The following SCARB2 variants were observed in gnomAD, a reference collection of about 807,000 sequenced individuals.
SCARB2 encodes lysosome membrane protein 2.
In SCARB2, 29 loss-of-function variants were observed where a neutral mutation model predicts 58.6. The observed-to-expected ratio is 0.49, with a 90% CI of 0.37 to 0.67. The LOEUF (loss-of-function observed/expected upper bound fraction) is 0.67, where lower values mean the gene tolerates loss of function less well. Among genes scored for constraint, SCARB2 ranks in the 30% least tolerant of loss-of-function variants. The pLI, the probability that SCARB2 is intolerant of heterozygous loss-of-function variation, is 0.00. For synonymous variants in SCARB2, 195 were observed against 210.1 expected, an observed-to-expected ratio of 0.93 and a Z score of 0.62; for missense variants, 488 against 578.5, an observed-to-expected ratio of 0.84 and a Z score of 1.60.
At chr4:76,163,482 C>T in intron 10 of SCARB2, 99 bp from the exon 11 acceptor site, 1 of 1,339,026 alleles carries the variant, frequency 7.5e-7, no homozygotes. Flanking sequence ...TTGGGAATGT[C>T]CTCCTGTTAG....
At chr4:76,200,647 G>A (rs957150898) in intron 1 of SCARB2, among the ~76,000 whole-genome samples, 2 of 152,184 alleles carry the variant, frequency 1.3e-5, no homozygotes, top group Non-Finnish European at 2.9e-5. Flanking sequence ...GCAAGACTCA[G>A]TAATTCAGCC....
At chr4:76,210,064 C>T (rs965810011) in intron 1 of SCARB2, among the ~76,000 whole-genome samples, 1 of 152,182 alleles carries the variant, frequency 6.6e-6, no homozygotes, top group African/African-American at 2.4e-5. Context: ...GGAACCATAG[C>T]TTGTATAATA....
intron 1 of SCARB2, among the ~76,000 whole-genome samples, chr4:76,208,711 T>G (rs1206925215): frequency 6.6e-6 from 1 of 152,222 alleles, no homozygotes; most frequent in Non-Finnish European, 1.5e-5. Context: ...TTGATTTCTA[T>G]GAGCTTCCCC....
At chr4:76,224,923 C>T (rs2109982102) in intron 1 of SCARB2, among the ~76,000 whole-genome samples, 1 of 152,054 alleles carries the variant, frequency 6.6e-6, no homozygotes, top group East Asian at 1.9e-4. Context: ...CCCCCCAAGT[C>T]CCCAGAGTCC....
At chr4:76,227,128 T>C (rs1733412164) in intron 1 of SCARB2, among the ~76,000 whole-genome samples, 1 of 152,206 alleles carries the variant, frequency 6.6e-6, no homozygotes, top group African/African-American at 2.4e-5. Context: ...GAGTGTCTAT[T>C]TGTGCTCTTT....
At chr4:76,191,003 C>T (rs552459561) in intron 2 of SCARB2, among the ~76,000 whole-genome samples, 1 of 152,298 alleles carries the variant, frequency 6.6e-6, no homozygotes, top group East Asian at 1.9e-4. Flanking sequence ...CTAAATATTG[C>T]TAACATGTTG....
chr4:76,208,021 A>G (rs1164232946), intron 1 of SCARB2, among the ~76,000 whole-genome samples: 1 of 152,244 alleles, frequency 6.6e-6, no homozygotes, highest in African/African-American at 2.4e-5. Context: ...TTAAAAATGC[A>G]TATTCCCAAA....
At chr4:76,222,499 A>T (rs1201768980) in intron 1 of SCARB2, among the ~76,000 whole-genome samples, 1 of 152,164 alleles carries the variant, frequency 6.6e-6, no homozygotes, top group African/African-American at 2.4e-5. Context: ...AAGTGCTGGG[A>T]TTACAGGCAT....
At chr4:76,216,681 T>G (rs1218825070), upstream of SCARB2, among the ~76,000 whole-genome samples, 1 of 152,208 alleles carries the variant, frequency 6.6e-6, no homozygotes, top group Non-Finnish European at 1.5e-5. Context: ...TCTCTGAGGA[T>G]CTCACTCTGT....
rs2109931937 is a variant in SCARB2, at chr4:76,163,340, A to G, written c.1283T>C (p.Met428Thr). 1 of 1,614,220 alleles carries G rather than the reference A, an allele frequency of 6.2e-7. No individual in the cohort carries two copies. The highest frequency in any genetic ancestry group is 8.5e-7 in the Non-Finnish European group (1 of 1,180,034). ...DKETASRLKS[M>T]INTTLIITNI... Reference sequence around the variant, plus strand: ...GGTGATGATCAAAGTAGTGTTAATCATAGACTTCAGTCGACTCGCCGTCTC... The same window carrying G: ...GGTGATGATCAAAGTAGTGTTAATCGTAGACTTCAGTCGACTCGCCGTCTC... The change falls in exon 11 of 12, where the codon ATG (methionine) becomes ACG (threonine). Residue 428 changes from methionine to threonine, a missense_variant. Met to Thr is a moderately conservative substitution (Grantham distance 81). Coordinates refer to ENST00000264896, the MANE Select transcript of SCARB2 (RefSeq NM_005506.4).
intron 1 of SCARB2, among the ~76,000 whole-genome samples, chr4:76,230,050 T>C (rs4859635): frequency 0.21 from 31,702 of 152,032 alleles, 3,509 homozygotes; most frequent in East Asian, 0.36. Flanking sequence ...GGCCAGGATA[T>C]GTATTTGGGT....
intron 9 of SCARB2, chr4:76,166,669 T>A: frequency 2.8e-6 from 1 of 357,954 alleles, no homozygotes. Flanking sequence ...ACTGAGCATG[T>A]ACCACGTGCC....
At chr4:76,184,602 C>A in intron 2 of SCARB2, 1 of 190,126 alleles carries the variant, frequency 5.3e-6, no homozygotes, top group Non-Finnish European at 1.1e-5. Context: ...GAATCCTGAG[C>A]ACAGTGCCTC....
intron 8 of SCARB2, among the ~76,000 whole-genome samples, chr4:76,168,927 G>A (rs80176781): frequency 0.026 from 3,979 of 152,266 alleles, 150 homozygotes; most frequent in African/African-American, 0.091. Context: ...TATAGGGCCC[G>A]CCTAGCGTAG....
intron 9 of SCARB2, among the ~76,000 whole-genome samples, chr4:76,167,833 C>T (rs1244452940): frequency 2.6e-5 from 4 of 152,152 alleles, no homozygotes; most frequent in African/African-American, 9.6e-5. Flanking sequence ...AGGCACCCAC[C>T]ACCATGCCCA....
chr4:76,197,830 T>G (rs958065395), intron 1 of SCARB2, among the ~76,000 whole-genome samples: 1 of 152,128 alleles, frequency 6.6e-6, no homozygotes, highest in Non-Finnish European at 1.5e-5. Flanking sequence ...CACTGTTGCT[T>G]TTGTTTGGAT....
chr4:76,197,170 C>T (rs1466418713), intron 1 of SCARB2, among the ~76,000 whole-genome samples: 1 of 152,192 alleles, frequency 6.6e-6, no homozygotes, highest in African/African-American at 2.4e-5. Flanking sequence ...CTTAAGCCAC[C>T]CAGTCTGTTG....
intron 1 of SCARB2, among the ~76,000 whole-genome samples, chr4:76,204,227 A>G (rs576968906): frequency 6.6e-6 from 1 of 152,356 alleles, no homozygotes; most frequent in South Asian, 2.1e-4. Flanking sequence ...CAGTAATTTA[A>G]GTAATTTCCA....
chr4:76,213,312 C>T lies in SCARB2; in HGVS notation c.117+115G>A, dbSNP rs150247097. The T allele has an allele frequency of 5.0e-3, 3,829 of 764,440 alleles. 105 individuals carry two copies. The African/African-American group carries it at 0.058, about 12-fold the overall frequency. 47.4% of individuals were successfully genotyped at this position (764,440 alleles called of 1,614,324 possible). ...CTGGAAGACAGGGACGCAAGAAGAGCTCTAGCGCGGAGGGTCTGCCTGAGT... is the reference window on the plus strand; with the variant it reads ...CTGGAAGACAGGGACGCAAGAAGAGTTCTAGCGCGGAGGGTCTGCCTGAGT... On this transcript the variant is annotated intron_variant, in intron 1 of 11. Coordinates refer to ENST00000264896, the MANE Select transcript of SCARB2 (RefSeq NM_005506.4).
Sources: allele counts gnomAD v4.1 joint callset (sites outside exome capture counted in the v4.1 genomes callset), GRCh38; gene constraint gnomAD v4.1.1; transcripts MANE v1.5; gene names NCBI Gene and HGNC (gene_info 2026-07-23, HGNC 2026-07-21).